Variants in ITIH6 observed in about 807,000 individuals in gnomAD.
ITIH6 encodes the protein inter-alpha-trypsin inhibitor heavy chain family member 6.
A neutral mutation model predicts 58.2 loss-of-function variants in ITIH6; 60 were observed. The ratio of observed to expected loss-of-function variants is 1.03; its 90% CI spans 0.84 to 1.28. ITIH6 has a LOEUF of 1.28. ITIH6 is among the 50% of genes most tolerant of loss of function. The probability of loss-of-function intolerance (pLI) is 0.00; values close to 1 mark genes in which losing one functional copy is unlikely to be tolerated. For missense variants in ITIH6, 1,290 were observed against 1,021.1 expected (o/e 1.26, Z -3.59); for synonymous variants, 493 against 417.4 (o/e 1.18, Z -2.21).
chrX:54,790,533 A>G (rs1929325254), intron 4 of ITIH6, among the ~76,000 whole-genome samples: 1 of 111,031 alleles, frequency 9.0e-6, no homozygotes, highest in Admixed American at 9.5e-5. Flanking sequence ...CATGGTTAAC[A>G]TATGATTTAA....
At chrX:54,765,437 A>G (rs868754632) in intron 6 of ITIH6, among the ~76,000 whole-genome samples, 1,033 of 98,869 alleles carry the variant, frequency 0.01, 15 homozygotes, top group African/African-American at 0.036. Flanking sequence ...TGATTTTTGT[A>G]TAAGGTGTAA....
Position 54,757,454 on chromosome X carries a change from G to T in ITIH6, c.2620C>A (p.Pro874Thr), listed in dbSNP as rs1463576604. 6.6e-6 allele frequency: 8 copies of T among 1,210,901 alleles called. No homozygotes were observed. Among genetic ancestry groups the T allele is most frequent in the Non-Finnish European group, 1.1e-6 (1 of 894,949 alleles). The change falls in exon 8 of 13, where the codon CCT becomes ACT. Residue 874 changes from proline to threonine, a missense_variant. Coordinates refer to ENST00000218436, the MANE Select transcript of ITIH6 (RefSeq NM_198510.3). ...QISTSISLSK[P>T]ETPNPHMPQT... ...GGCATATGGGGGTTTGGGGTCTCAGGCTTGGAAAGTGATATGCTTGTGGAA... is the reference window on the plus strand; with the variant it reads ...GGCATATGGGGGTTTGGGGTCTCAGTCTTGGAAAGTGATATGCTTGTGGAA...
intron 6 of ITIH6, among the ~76,000 whole-genome samples, chrX:54,766,206 T>C (rs1456626283): frequency 9.1e-6 from 1 of 109,418 alleles, no homozygotes; most frequent in Non-Finnish European, 1.9e-5. Flanking sequence ...TGTTGGTGTA[T>C]AGGAATGCTT....
chrX:54,766,108 A>C (rs958837091), intron 6 of ITIH6, among the ~76,000 whole-genome samples: 1 of 110,644 alleles, frequency 9.0e-6, no homozygotes, highest in African/African-American at 3.3e-5. Flanking sequence ...GGTCCTTCAC[A>C]TCCCTTGTAA....
rs1183354808 is a variant in ITIH6 at position 54,761,375 on chromosome X, C to G, written c.904-1448G>C. 3.6e-5 allele frequency among the ~76,000 whole-genome samples: 4 copies of G among 111,266 alleles called. 1 individual carries two copies. In the Admixed American group the frequency reaches 3.8e-4, roughly 11 times the overall value. ...TGAATAGATTGCAAAAATTTTCTCC[C>G]ATTTTGTAGGTTGCCTGTTCAGTCT... On this transcript the variant is annotated intron_variant, in intron 6 of 12. Transcript: ENST00000218436.
Position 54,759,883 on chromosome X carries a change from A to T in ITIH6, c.948T>A (p.Asn316Lys), listed in dbSNP as rs774599909. The change falls in exon 7 of 13, where the codon AAT becomes AAA. Residue 316 changes from asparagine to lysine, a missense_variant. Transcript: ENST00000218436. ...AAAAGGAGATGATGTTGAAGTAGTC[A>T]TTGGCTTGAAGGTCACTGAGGATCA... is the stretch of plus-strand genomic sequence containing the variant. The part of the protein sequence containing the change: ...MNVILSDLQA[N>K]DYFNIISFSD... 8.3e-6 allele frequency: 10 copies of T among 1,210,641 alleles called. No homozygotes were observed. In the East Asian group the frequency reaches 3.0e-4, roughly 36 times the overall value.
At chrX:54,760,029 G>C in intron 6 of ITIH6, 102 bp from the exon 7 acceptor site, 1 of 642,254 alleles carries the variant, frequency 1.6e-6, no homozygotes, top group Admixed American at 3.1e-5. Flanking sequence ...GTGTTATATG[G>C]TTTTAAGACT....
chrX:54,797,603 G>T (rs1158561008), intron 1 of ITIH6, among the ~76,000 whole-genome samples: 2 of 111,674 alleles, frequency 1.8e-5, no homozygotes, highest in Non-Finnish European at 3.8e-5. Flanking sequence ...AGGATCTCAG[G>T]TGTAAAGAGT....
chrX:54,768,675 A>G (rs1353283861), intron 6 of ITIH6, among the ~76,000 whole-genome samples: 1 of 106,902 alleles, frequency 9.4e-6, no homozygotes, highest in Non-Finnish European at 1.9e-5. Flanking sequence ...TGGGTTGAAA[A>G]TTCTTTTCTT....
At chrX:54,791,805 GAAGT>G (rs1435583126) in intron 3 of ITIH6, 117 bp downstream of exon 3, 1 of 430,111 alleles carries the variant, frequency 2.3e-6, no homozygotes, top group Non-Finnish European at 4.1e-6. Flanking sequence ...ATGATCCTGT[GAAGT>G]AGAGGTCATG....
Position 54,758,555 on chromosome X carries a change from C to T in ITIH6, c.1519G>A (p.Gly507Arg). 1.7e-6 allele frequency: 2 copies of T among 1,211,111 alleles called. No individual in the cohort carries two copies. Among genetic ancestry groups the T allele is most frequent in the Non-Finnish European group, 2.2e-6 (2 of 895,237 alleles). ...YFGGSELVVA[G>R]QVQPGKQELG... ...TCCTGTTTGCCTGGCTGCACCTGTC[C>T]TGCCACCACCAGCTCAGAGCCACCA... The change falls in exon 8 of 13, where the codon GGA becomes AGA. Residue 507 changes from glycine to arginine, a missense_variant. Gly to Arg is a moderately radical substitution (Grantham distance 125). Transcript: ENST00000218436.
At chrX:54,754,829 TACTG>T (rs1195435077) in intron 9 of ITIH6, among the ~76,000 whole-genome samples, 184 bp downstream of exon 9, 4 of 112,505 alleles carry the variant, frequency 3.6e-5, no homozygotes, top group Non-Finnish European at 5.6e-5. Context: ...ATTTCTAGAC[TACTG>T]ACTAACAGAA....
intron 5 of ITIH6, among the ~76,000 whole-genome samples, chrX:54,777,621 G>C (rs1292077891): frequency 8.9e-6 from 1 of 112,173 alleles, no homozygotes; most frequent in Admixed American, 9.4e-5. Flanking sequence ...GAGAGAGAGA[G>C]ACTCTGTTTG....
intron 6 of ITIH6, among the ~76,000 whole-genome samples, chrX:54,766,273 T>C (rs1479804407): frequency 7.9e-5 from 8 of 101,598 alleles, no homozygotes; most frequent in Non-Finnish European, 1.6e-4. Flanking sequence ...GCTTATCAGC[T>C]TAAGGAGATT....
In ITIH6 at chrX:54,778,724, G is replaced by A. The variant is rs370818050; in HGVS notation, c.787-4527C>T. 5.4e-5 allele frequency among the ~76,000 whole-genome samples: 6 copies of A among 111,136 alleles called. No homozygotes were observed. The East Asian group carries it at 1.4e-3, about 26-fold the overall frequency. Reference sequence around the variant, plus strand: ...GATAGGGGTAGAAAGTTTATTCAGAGGGATAATAACAGAGAACTTTCCAAA... The same window carrying A: ...GATAGGGGTAGAAAGTTTATTCAGAAGGATAATAACAGAGAACTTTCCAAA... On this transcript the variant is annotated intron_variant, in intron 5 of 12. Coordinates refer to ENST00000218436, the MANE Select transcript of ITIH6 (RefSeq NM_198510.3).
rs749178155 is a variant in ITIH6 at position 54,788,618 on chromosome X, G to C, written c.648C>G (p.Ile216Met). The change falls in exon 5 of 13, where the codon ATC becomes ATG. Residue 216 changes from isoleucine (I) to methionine (M), a missense_variant. Coordinates refer to ENST00000218436, the MANE Select transcript of ITIH6 (RefSeq NM_198510.3). ...TTCGGACACAGGTCTCTCCCCTCTC[G>C]ATCCTGGTGGATGGGGGTGAATCCA... ...SEVDSPPSTR[I>M]ERGETCVRIT... The C allele has an allele frequency of 2.5e-6, 3 of 1,209,619 alleles. No homozygotes were observed. The highest frequency in any genetic ancestry group is 3.4e-6 in the Non-Finnish European group (3 of 894,025).
At chrX:54,797,940 C>T (rs145348716) in intron 1 of ITIH6, among the ~76,000 whole-genome samples, 169 bp downstream of exon 1, 227 of 111,355 alleles carry the variant, frequency 2.0e-3, no homozygotes, top group African/African-American at 6.8e-3. Context: ...ATTCTGGGAC[C>T]CCTGGTGCAG....
At chrX:54,768,917 C>T (rs1053748697) in intron 6 of ITIH6, among the ~76,000 whole-genome samples, 8 of 109,177 alleles carry the variant, frequency 7.3e-5, no homozygotes, top group African/African-American at 1.0e-4. Context: ...TGAATCTGAA[C>T]GTTGTCCTGC....
rs777716966 is a variant in ITIH6, at chrX:54,751,201, G to T, written c.3532C>A (p.Gln1178Lys). Residue 1178 changes from glutamine (Q) to lysine (K), a missense_variant, in exon 12 of 13, where the codon CAA becomes AAA. Physicochemically the swap from Gln to Lys is moderately conservative, Grantham distance 53. Transcript: ENST00000218436. The stretch of plus-strand genomic sequence containing the variant: ...TGGGGCCTCTTCAGCAGGGCAGGTT[G>T]GTCCCAGGACAGGCGCAAGGTACCC... ...GEGTLRLSWDQPALLKRPQLE... is the reference protein window; with the variant it reads ...GEGTLRLSWDKPALLKRPQLE... 7 of 1,211,842 alleles carry T rather than the reference G, an allele frequency of 5.8e-6. No individual in the cohort carries two copies. The highest frequency in any genetic ancestry group is 7.8e-6 in the Non-Finnish European group (7 of 895,384).
Sources: allele counts gnomAD v4.1 joint callset (sites outside exome capture counted in the v4.1 genomes callset), GRCh38; gene constraint gnomAD v4.1.1; transcripts MANE v1.5; gene names NCBI Gene and HGNC (gene_info 2026-07-23, HGNC 2026-07-21).